Variants in AGBL1 observed in about 807,000 individuals in gnomAD.
AGBL1 encodes AGBL carboxypeptidase 1.
AGBL1 carries 130 observed loss-of-function variants against 118.9 expected under a neutral mutation model. That is an observed-to-expected ratio of 1.09 (90% CI 0.95 to 1.26). AGBL1 has a LOEUF of 1.26. Ranked by LOEUF, AGBL1 falls within the 50% of genes most tolerant of loss-of-function variation. The probability of loss-of-function intolerance (pLI) is 0.00; values close to 1 mark genes in which losing one functional copy is unlikely to be tolerated. For synonymous variants in AGBL1, 555 were observed against 478.9 expected, an observed-to-expected ratio of 1.16 and a Z score of -2.08; for missense variants, 1,584 against 1,298.1, an observed-to-expected ratio of 1.22 and a Z score of -3.38.
chr15:86,203,128 T>C lies in AGBL1; in HGVS notation c.489-21786T>C, dbSNP rs540124231. On this transcript the variant is annotated intron_variant, in intron 5 of 22. Coordinates refer to ENST00000614907, the MANE Select transcript of AGBL1 (RefSeq NM_001386094.1). ...ATAGTGATAATGATGATGATGATGATGATGATGCTAATCACCATAAAAGTT... is the reference window on the plus strand; with the variant it reads ...ATAGTGATAATGATGATGATGATGACGATGATGCTAATCACCATAAAAGTT... Among the ~76,000 whole-genome samples, 5 of 152,146 alleles carry C rather than the reference T, an allele frequency of 3.3e-5. No homozygotes were observed. In the East Asian group the frequency reaches 9.7e-4, roughly 29 times the overall value.
intron 21 of AGBL1, among the ~76,000 whole-genome samples, chr15:86,635,484 C>A (rs1298243770): frequency 6.6e-6 from 1 of 151,680 alleles, no homozygotes; most frequent in Non-Finnish European, 1.5e-5. Context: ...GAACAACTCA[C>A]TGTTTTGGCT....
chr15:86,240,784 G>T (rs1434344932), intron 6 of AGBL1, among the ~76,000 whole-genome samples: 1 of 152,186 alleles, frequency 6.6e-6, no homozygotes, highest in Non-Finnish European at 1.5e-5. Flanking sequence ...ATTGTTTGGG[G>T]TAGAATATGT....
intron 5 of AGBL1, among the ~76,000 whole-genome samples, chr15:86,181,477 A>G (rs2077552196): frequency 6.6e-6 from 1 of 152,076 alleles, no homozygotes; most frequent in Non-Finnish European, 1.5e-5. Flanking sequence ...CTATGGTGAG[A>G]AAAGGAAGAT....
chr15:86,209,469 C>T (rs1351119338), intron 5 of AGBL1, among the ~76,000 whole-genome samples: 1 of 152,140 alleles, frequency 6.6e-6, no homozygotes. Flanking sequence ...TTGTAGGTCT[C>T]TGAGGACTTG....
rs1383251071 is a variant in AGBL1 at position 86,694,159 on chromosome 15, G to T, written c.3158+19723G>T. ...TGATGGGAATATTTTGGTGGGAATT[G>T]CATTGAATTTGTAGCTTGCTTTTGG... On this transcript the variant is annotated intron_variant, in intron 22 of 22. Coordinates refer to ENST00000614907, the MANE Select transcript of AGBL1 (RefSeq NM_001386094.1). 2.0e-5 allele frequency among the ~76,000 whole-genome samples: 3 copies of T among 152,084 alleles called. No individual in the cohort carries two copies. The East Asian group carries it at 5.8e-4, about 29-fold the overall frequency.
chr15:86,831,459 T>C (rs1021186343), intron 22 of AGBL1, among the ~76,000 whole-genome samples: 1 of 152,182 alleles, frequency 6.6e-6, no homozygotes, highest in African/African-American at 2.4e-5. Context: ...ACAATGTGTG[T>C]ACAGGTATTG....
intron 18 of AGBL1, among the ~76,000 whole-genome samples, chr15:86,521,453 T>C (rs2083187668): frequency 6.6e-6 from 1 of 152,108 alleles, no homozygotes; most frequent in Non-Finnish European, 1.5e-5. Flanking sequence ...AGGCTCCTAG[T>C]CTAATTGGGA....
At position 86,908,078 on chromosome 15, in the gene AGBL1, G is replaced by C. The variant is rs2080304405; in HGVS notation, c.*784G>C. ...CATATGCTAGATCTGGCAGTTGCTT[G>C]TTATGACAATTTAGGCAAGTAATTA... is the stretch of plus-strand genomic sequence containing the variant. On this transcript the variant is annotated 3_prime_UTR_variant, in exon 23 of 23. Coordinates refer to ENST00000614907, the MANE Select transcript of AGBL1 (RefSeq NM_001386094.1). 2 of 152,108 alleles carry C rather than the reference G, an allele frequency of 1.3e-5. No individual in the cohort carries two copies. Among genetic ancestry groups the C allele is most frequent in the Admixed American group, 1.3e-4 (2 of 15,272 alleles). The allele number at this position is 152,108 out of a possible 1,614,324, so 9.4% of individuals were successfully genotyped here. A position where few individuals can be genotyped will look rare whatever the true frequency, so the allele number is the denominator to read the frequency against.
chr15:86,456,227 T>A (rs1362899838), intron 18 of AGBL1, among the ~76,000 whole-genome samples: 2 of 152,126 alleles, frequency 1.3e-5, no homozygotes, highest in Non-Finnish European at 2.9e-5. Flanking sequence ...AATTTTGCAT[T>A]AATAAGTCAC....
chr15:86,220,909 C>T (rs1209125245), intron 5 of AGBL1, among the ~76,000 whole-genome samples: 1 of 152,018 alleles, frequency 6.6e-6, no homozygotes, highest in African/African-American at 2.4e-5. Flanking sequence ...AAGTCCTCTT[C>T]AGGCCGTGCA....
chr15:86,851,236 T>C (rs537025569), intron 22 of AGBL1, among the ~76,000 whole-genome samples: 1 of 152,078 alleles, frequency 6.6e-6, no homozygotes, highest in Non-Finnish European at 1.5e-5. Flanking sequence ...TGGGAGAAAA[T>C]TGAAAGCTGG....
chr15:86,596,616 C>T (rs190538501), intron 21 of AGBL1, among the ~76,000 whole-genome samples: 2 of 152,166 alleles, frequency 1.3e-5, no homozygotes, highest in East Asian at 1.9e-4. Flanking sequence ...CAGAGATATA[C>T]TTGGCTAACA....
At chr15:86,736,384 A>AG (rs1185639300) in intron 22 of AGBL1, among the ~76,000 whole-genome samples, 1 of 152,098 alleles carries the variant, frequency 6.6e-6, no homozygotes, top group Non-Finnish European at 1.5e-5. Flanking sequence ...TGTCTCAAAA[A>AG]AAAAAAAATT....
At chr15:86,455,004 C>T (rs1280443718) in intron 18 of AGBL1, among the ~76,000 whole-genome samples, 3 of 152,166 alleles carry the variant, frequency 2.0e-5, no homozygotes, top group African/African-American at 7.2e-5. Flanking sequence ...ACTATTGCCT[C>T]CCTAAGACAC....
chr15:87,001,723 A>C (rs2081439686), intron 24 of AGBL1, among the ~76,000 whole-genome samples: 1 of 152,068 alleles, frequency 6.6e-6, no homozygotes, highest in Admixed American at 6.6e-5. Context: ...CATTTCTCTG[A>C]TGGCCAGTGA....
intron 17 of AGBL1, among the ~76,000 whole-genome samples, chr15:86,367,421 C>A (rs926756248): frequency 6.6e-6 from 1 of 152,074 alleles, no homozygotes; most frequent in Non-Finnish European, 1.5e-5. Flanking sequence ...CTAGAGCTAC[C>A]TCTTAGGAGA....
intron 22 of AGBL1, among the ~76,000 whole-genome samples, chr15:86,896,163 G>A (rs567823901): frequency 3.3e-5 from 5 of 151,344 alleles, no homozygotes; most frequent in East Asian, 1.9e-4. Context: ...ATTATGTTTC[G>A]AGAACTTATT....
At chr15:87,014,926 G>C (rs1050363220) in intron 24 of AGBL1, among the ~76,000 whole-genome samples, 3 of 152,010 alleles carry the variant, frequency 2.0e-5, no homozygotes, top group African/African-American at 7.2e-5. Flanking sequence ...ATTGTTTCTC[G>C]GCGTCTCTCT....
chr15:86,819,604 CA>C (rs2078911375), intron 22 of AGBL1, among the ~76,000 whole-genome samples: 1 of 152,018 alleles, frequency 6.6e-6, no homozygotes, highest in Admixed American at 6.6e-5. Context: ...AGGACCTCTT[CA>C]AGGAGAACTA....
Sources: allele counts gnomAD v4.1 joint callset (sites outside exome capture counted in the v4.1 genomes callset), GRCh38; gene constraint gnomAD v4.1.1; transcripts MANE v1.5; gene names NCBI Gene and HGNC (gene_info 2026-07-23, HGNC 2026-07-21).